Variants in SORCS3 observed in about 807,000 individuals in gnomAD.
SORCS3 encodes the protein VPS10 domain-containing receptor SorCS3.
In SORCS3, 57 loss-of-function variants were observed where a neutral mutation model predicts 146.3. That is an observed-to-expected ratio of 0.39 (90% CI 0.31 to 0.49). SORCS3 has a LOEUF of 0.49. Ranked by LOEUF, SORCS3 falls within the 20% of genes least tolerant of loss-of-function variation. The pLI is 0.92. For synonymous variants in SORCS3, 653 were observed against 618.5 expected, an observed-to-expected ratio of 1.06 and a Z score of -0.83; for missense variants, 1,341 against 1,575.5, an observed-to-expected ratio of 0.85 and a Z score of 2.52.
chr10:104,653,936 C>T (rs1169834905), intron 1 of SORCS3, among the ~76,000 whole-genome samples: 1 of 151,612 alleles, frequency 6.6e-6, no homozygotes, highest in Admixed American at 6.6e-5. Context: ...ATTAATAATC[C>T]CCACCTCCCC....
intron 1 of SORCS3, among the ~76,000 whole-genome samples, chr10:104,694,914 T>G (rs11599236): frequency 6.6e-6 from 1 of 151,970 alleles, no homozygotes; most frequent in Non-Finnish European, 1.5e-5. Flanking sequence ...AAAATGTAGG[T>G]TGTATTTTAT....
intron 13 of SORCS3, among the ~76,000 whole-genome samples, chr10:105,177,544 A>G (rs888300934): frequency 6.6e-6 from 1 of 151,948 alleles, no homozygotes; most frequent in African/African-American, 2.4e-5. Context: ...TGCTCAGAAC[A>G]TCTCAGACTC....
In SORCS3 at chr10:104,820,101, A is replaced by G. The variant is rs376278213; in HGVS notation, c.628-22691A>G. Among the ~76,000 whole-genome samples the G allele has an allele frequency of 4.6e-5, 7 of 152,302 alleles. No individual in the cohort carries two copies. The East Asian group carries it at 1.2e-3, about 25-fold the overall frequency. ...TGTCATGGTAACTTCAGGGGTGCCA[A>G]AATTGCTGCCTTAATTGACACCCTC... is the stretch of plus-strand genomic sequence containing the variant. On this transcript the variant is annotated intron_variant, in intron 1 of 26. Coordinates refer to ENST00000369701, the MANE Select transcript of SORCS3 (RefSeq NM_014978.3).
chr10:105,122,471 G>T (rs537862776), intron 7 of SORCS3, among the ~76,000 whole-genome samples: 39 of 152,252 alleles, frequency 2.6e-4, no homozygotes, highest in Admixed American at 5.2e-4. Context: ...TATGTACCCA[G>T]TACTGTGACT....
chr10:105,086,010 G>A (rs572376392), intron 5 of SORCS3, among the ~76,000 whole-genome samples: 1 of 150,546 alleles, frequency 6.6e-6, no homozygotes, highest in Non-Finnish European at 1.5e-5. Context: ...TTTTCTCTCT[G>A]TATATGTACA....
At chr10:104,764,582 T>A (rs567632951) in intron 1 of SORCS3, among the ~76,000 whole-genome samples, 2 of 152,152 alleles carry the variant, frequency 1.3e-5, no homozygotes, top group South Asian at 4.1e-4. Flanking sequence ...AGTTGTAGGG[T>A]CAAGTGATAG....
chr10:105,078,788 C>T (rs937157087), intron 5 of SORCS3, among the ~76,000 whole-genome samples: 3 of 152,052 alleles, frequency 2.0e-5, no homozygotes, highest in African/African-American at 2.4e-5. Flanking sequence ...CCCATTGTGC[C>T]GATGAAAAAA....
intron 5 of SORCS3, among the ~76,000 whole-genome samples, chr10:105,078,365 A>G (rs539947883): frequency 2.6e-5 from 4 of 152,270 alleles, no homozygotes; most frequent in Non-Finnish European, 4.4e-5. Flanking sequence ...TTTAAGAAGA[A>G]TGAAATCAAG....
chr10:105,180,433 G>A (rs1028687063), intron 14 of SORCS3, among the ~76,000 whole-genome samples: 4 of 152,242 alleles, frequency 2.6e-5, no homozygotes, highest in African/African-American at 9.6e-5. Flanking sequence ...TTGAATGAAT[G>A]AATGATTCCA....
chr10:104,679,141 G>T (rs2015943865), intron 1 of SORCS3, among the ~76,000 whole-genome samples: 1 of 152,198 alleles, frequency 6.6e-6, no homozygotes, highest in Admixed American at 6.5e-5. Context: ...GGAGAGAAGT[G>T]GTTGGCAGAG....
intron 5 of SORCS3, among the ~76,000 whole-genome samples, chr10:105,050,775 C>A (rs924054771): frequency 4.6e-5 from 7 of 152,090 alleles, no homozygotes; most frequent in Non-Finnish European, 7.4e-5. Context: ...TTCTCTGATC[C>A]TTATTCTTTG....
chr10:104,844,219 A>G lies in SORCS3; in HGVS notation c.695+1360A>G, dbSNP rs192519392. Among the ~76,000 whole-genome samples the G allele has an allele frequency of 1.2e-4, 19 of 152,254 alleles. No individual in the cohort carries two copies. The South Asian group carries it at 3.9e-3, about 32-fold the overall frequency. On this transcript the variant is annotated intron_variant, in intron 2 of 26. Transcript: ENST00000369701. The stretch of plus-strand genomic sequence containing the variant: ...GCCTCGAACAAATGAAAGCATGACT[A>G]TTTCCACTCACACGGTACTTTCCAG...
intron 2 of SORCS3, among the ~76,000 whole-genome samples, chr10:104,850,868 G>A (rs1183772735): frequency 1.3e-5 from 2 of 152,208 alleles, no homozygotes; most frequent in African/African-American, 4.8e-5. Context: ...TAACAGCACT[G>A]CTTCTGAGCA....
chr10:105,089,555 C>T (rs1421085985), intron 5 of SORCS3, among the ~76,000 whole-genome samples: 1 of 152,148 alleles, frequency 6.6e-6, no homozygotes, highest in Non-Finnish European at 1.5e-5. Context: ...ACTTATTGAC[C>T]ATTCAGTACT....
At chr10:105,213,245 C>G (rs1489879623) in intron 17 of SORCS3, among the ~76,000 whole-genome samples, 1 of 152,160 alleles carries the variant, frequency 6.6e-6, no homozygotes, top group East Asian at 1.9e-4. Flanking sequence ...TTAATATCCC[C>G]TGGGATCCCT....
In SORCS3 at chr10:104,753,853, A is replaced by G. The variant is rs541378141; in HGVS notation, c.628-88939A>G. On this transcript the variant is annotated intron_variant, in intron 1 of 26. Transcript: ENST00000369701. ...AAAAGTCCAAGGCTGACCTATAGCT[A>G]CAAGAATTTTGGGCTATCATTATGC... 3.9e-5 allele frequency among the ~76,000 whole-genome samples: 6 copies of G among 152,334 alleles called. No individual in the cohort carries two copies. In the East Asian group the frequency reaches 1.2e-3, roughly 29 times the overall value.
At position 104,696,412 on chromosome 10, in the gene SORCS3, A is replaced by T. The variant is rs796904178; in HGVS notation, c.627+54458A>T. On this transcript the variant is annotated intron_variant, in intron 1 of 26. Coordinates refer to ENST00000369701, the MANE Select transcript of SORCS3 (RefSeq NM_014978.3). The stretch of plus-strand genomic sequence containing the variant: ...TATAATATATAATATATAATATAGA[A>T]TATATATAATATATAATATAGAATA... Among the ~76,000 whole-genome samples the T allele has an allele frequency of 3.1e-3, 39 of 12,548 alleles. 17 individuals carry two copies. Among genetic ancestry groups the T allele is most frequent in the South Asian group, 8.3e-3 (4 of 482 alleles). The allele number at this position is 12,548 out of a possible 152,430, so 8.2% of individuals were successfully genotyped here. A position where few individuals can be genotyped will look rare whatever the true frequency, so the allele number is the denominator to read the frequency against.
intron 1 of SORCS3, among the ~76,000 whole-genome samples, chr10:104,781,914 T>G (rs980557816): frequency 2.0e-5 from 3 of 152,224 alleles, no homozygotes; most frequent in African/African-American, 7.2e-5. Context: ...GTGTTCTCCT[T>G]TAGATAAAAG....
At chr10:104,701,416 A>G (rs184676886) in intron 1 of SORCS3, among the ~76,000 whole-genome samples, 1 of 152,306 alleles carries the variant, frequency 6.6e-6, no homozygotes, top group Admixed American at 6.5e-5. Flanking sequence ...TTTCTTAACA[A>G]TCGGTCTTTG....
Sources: allele counts gnomAD v4.1 joint callset (sites outside exome capture counted in the v4.1 genomes callset), GRCh38; gene constraint gnomAD v4.1.1; transcripts MANE v1.5; gene names NCBI Gene and HGNC (gene_info 2026-07-23, HGNC 2026-07-21).